SIRT1: variants seen among roughly 807,000 people sequenced by gnomAD.
SIRT1 encodes sirtuin 1.
In SIRT1, 24 loss-of-function variants were observed where a neutral mutation model predicts 67.9. That is an observed-to-expected ratio of 0.35 (90% CI 0.26 to 0.50). SIRT1 has a LOEUF of 0.50. SIRT1 is among the 20% of genes least tolerant of loss of function. SIRT1 has a pLI of 0.98. For missense variants in SIRT1, 873 were observed against 937.2 expected (o/e 0.93, Z 0.89); for synonymous variants, 378 against 350.7 (o/e 1.08, Z -0.87).
Position 67,916,573 on chromosome 10 carries a change from T to TA in SIRT1, c.2225dup (p.Tyr742Ter). ...SVKQEVTDMNYPSNKS is the reference protein window; with the variant it reads ...SVKQEVTDMN Reference sequence around the variant, plus strand: ...GAAACAGGAAGTAACAGACATGAACTATCCATCAAACAAATCATAGTGTAA... The same window carrying TA: ...GAAACAGGAAGTAACAGACATGAACTAATCCATCAAACAAATCATAGTGTAA... Residue 742 changes from tyrosine to a stop codon, truncating the protein, a stop_gained and frameshift_variant, in exon 9 of 9, where the codon TAT becomes TAAT. Coordinates refer to ENST00000212015, the MANE Select transcript of SIRT1 (RefSeq NM_012238.5). LOFTEE classifies it high-confidence loss of function. 1 of 1,610,264 alleles carries TA rather than the reference T, an allele frequency of 6.2e-7. No individual in the cohort carries two copies. The highest frequency in any genetic ancestry group is 1.7e-5 in the Admixed American group (1 of 59,844).
intron 4 of SIRT1, among the ~76,000 whole-genome samples, chr10:67,905,506 A>T (rs1006944383): frequency 1.3e-5 from 2 of 152,212 alleles, no homozygotes; most frequent in African/African-American, 4.8e-5. Flanking sequence ...TGTTAACGGA[A>T]TTCACTTAAG....
intron 1 of SIRT1, among the ~76,000 whole-genome samples, chr10:67,885,598 A>G (rs1842465407): frequency 2.2e-5 from 2 of 89,526 alleles, no homozygotes; most frequent in Admixed American, 1.0e-4. Context: ...GCTTTTTGCA[A>G]ACTTGACACC....
intron 4 of SIRT1, among the ~76,000 whole-genome samples, chr10:67,895,223 C>T (rs546466473): frequency 1.8e-3 from 271 of 152,164 alleles, no homozygotes; most frequent in South Asian, 5.8e-3. Flanking sequence ...AGTTCAAGAC[C>T]AGCCTGGCCA....
Position 67,913,002 on chromosome 10 carries a change from C to T in SIRT1, c.1886C>T (p.Ala629Val). 1 of 1,609,626 alleles carries T rather than the reference C, an allele frequency of 6.2e-7. No individual in the cohort carries two copies. Among genetic ancestry groups the T allele is most frequent in the South Asian group, 1.1e-5 (1 of 90,052 alleles). The stretch of plus-strand genomic sequence containing the variant: ...AGAAAATGCTGGCCTAATAGAGTGG[C>T]AAAGGAGCAGATTAGTAGGCGGCTT... ...TVRKCWPNRV[A>V]KEQISRRLDG... The change falls in exon 8 of 9, where the codon GCA becomes GTA. Residue 629 changes from alanine (A) to valine (V), a missense_variant. By Grantham distance (64) the Ala-to-Val change is moderately conservative. Transcript: ENST00000212015.
intron 5 of SIRT1, 53 bp from the exon 6 acceptor site, chr10:67,907,993 C>G: frequency 2.7e-6 from 4 of 1,462,674 alleles, no homozygotes; most frequent in Non-Finnish European, 3.8e-6. Flanking sequence ...GTGGTGTGTT[C>G]AAGAAACAGA....
intron 1 of SIRT1, chr10:67,885,487 T>C (rs1842463104): frequency 2.1e-6 from 2 of 959,796 alleles, no homozygotes; most frequent in African/African-American, 1.7e-5. Context: ...GCTTTTTTTT[T>C]CTTTTTCTTT....
chr10:67,916,750 T>G lies in SIRT1; in HGVS notation c.*157T>G, dbSNP rs182005192. 77 of 525,904 alleles carry G rather than the reference T, an allele frequency of 1.5e-4. No homozygotes were observed. Among genetic ancestry groups the G allele is most frequent in the African/African-American group, 1.4e-3 (75 of 52,830 alleles). 32.6% of individuals were successfully genotyped at this position (525,904 alleles called of 1,614,324 possible). A position where few individuals can be genotyped will look rare whatever the true frequency, so the allele number is the denominator to read the frequency against. ...TAGATTGTTTTTCATGGATAATTTT[T>G]AACTTCATTATTTCTGTACTTGTAC... On this transcript the variant is annotated 3_prime_UTR_variant, in exon 9 of 9. Transcript: ENST00000212015.
At chr10:67,887,322 T>A in intron 1 of SIRT1, 95 bp from the exon 2 acceptor site, 1 of 774,136 alleles carries the variant, frequency 1.3e-6, no homozygotes, top group Non-Finnish European at 2.3e-6. Flanking sequence ...AAATGTTAAA[T>A]GCTGTACTCG....
At chr10:67,912,039 C>T (rs929962417) in intron 7 of SIRT1, among the ~76,000 whole-genome samples, 8 of 152,174 alleles carry the variant, frequency 5.3e-5, no homozygotes, top group African/African-American at 1.7e-4. Context: ...GCTGGGATTA[C>T]AGGCGTGAGC....
chr10:67,906,834 C>G lies in SIRT1; in HGVS notation c.987C>G (p.Phe329Leu). The G allele has an allele frequency of 6.2e-7, 1 of 1,613,242 alleles. No homozygotes were observed. Among genetic ancestry groups the G allele is most frequent in the Non-Finnish European group, 8.5e-7 (1 of 1,179,732 alleles). The change falls in exon 5 of 9, where the codon TTC becomes TTG. Residue 329 changes from phenylalanine to leucine, a missense_variant. Phe to Leu is a conservative substitution (Grantham distance 22, BLOSUM62 0). This residue lies in a region of SIRT1 where 251 missense variants were observed against 358.8 expected (regional missense o/e 0.70). Coordinates refer to ENST00000212015, the MANE Select transcript of SIRT1 (RefSeq NM_012238.5). ...TCCAGCCATCTCTCTGTCACAAATT[C>G]ATAGCCTTGTCAGATAAGGAAGGAA... The part of the protein sequence containing the change: ...GQFQPSLCHK[F>L]IALSDKEGKL...
intron 4 of SIRT1, among the ~76,000 whole-genome samples, chr10:67,905,816 T>C (rs150379840): frequency 6.6e-6 from 1 of 152,216 alleles, no homozygotes; most frequent in Non-Finnish European, 1.5e-5. Context: ...TGAACCATTT[T>C]CCAGGGCAGT....
At chr10:67,915,514 TAC>T (rs750298057) in intron 8 of SIRT1, among the ~76,000 whole-genome samples, 3 of 152,190 alleles carry the variant, frequency 2.0e-5, no homozygotes, top group Non-Finnish European at 4.4e-5. Flanking sequence ...TATGTGTATA[TAC>T]ACACACATTC....
chr10:67,886,444 GC>G (rs1268189985), intron 1 of SIRT1, among the ~76,000 whole-genome samples: 1 of 151,480 alleles, frequency 6.6e-6, no homozygotes, highest in Non-Finnish European at 1.5e-5. Flanking sequence ...AGTAAAAAAA[GC>G]GGGACGTGGT....
rs199626380 is a variant in SIRT1 at position 67,916,256 on chromosome 10, G to A, written c.1916-9G>A. On this transcript the variant is annotated splice_polypyrimidine_tract_variant and intron_variant, in intron 8 of 8. Transcript: ENST00000212015. ...AACTGAAAGTAACATTTTTATTACT[G>A]TATTTCAGGTAATCAGTATCTGTTT... The A allele has an allele frequency of 2.5e-6, 4 of 1,590,640 alleles. No homozygotes were observed. The East Asian group carries it at 9.0e-5, about 36-fold the overall frequency.
rs765609303 is a variant in SIRT1 at position 67,916,412 on chromosome 10, C to A, written c.2063C>A (p.Pro688His). ...TGCCAGAGTCCAAGTTTAGAAGAAC[C>A]CATGGAGGATGAAAGTGAAATTGAA... ...GTCQSPSLEE[P>H]MEDESEIEEF... is the part of the protein sequence containing the mutation. Residue 688 changes from proline (P) to histidine (H), a missense_variant, in exon 9 of 9, where the codon CCC becomes CAC. Pro to His is a moderately conservative substitution (Grantham distance 77). Around this residue, in one of 3 missense-constraint regions of SIRT1, gnomAD observed 295 missense variants for 294.5 expected, o/e 1.00. Transcript: ENST00000212015. The A allele has an allele frequency of 1.9e-6, 3 of 1,613,982 alleles. No homozygotes were observed. In the Admixed American group the frequency reaches 5.0e-5, roughly 27 times the overall value.
intron 4 of SIRT1, among the ~76,000 whole-genome samples, chr10:67,893,282 T>G (rs1380947030): frequency 6.6e-6 from 1 of 152,202 alleles, no homozygotes; most frequent in Non-Finnish European, 1.5e-5. Context: ...TTTGTCCTAA[T>G]GCTTTTCCAC....
intron 8 of SIRT1, 39 bp downstream of exon 8, chr10:67,913,070 T>C: frequency 6.5e-7 from 1 of 1,545,682 alleles, no homozygotes; most frequent in Non-Finnish European, 8.7e-7. Flanking sequence ...AGTATAAATG[T>C]CATAACAGTA....
At chr10:67,907,414 G>A (rs990293000) in intron 5 of SIRT1, among the ~76,000 whole-genome samples, 27 of 147,726 alleles carry the variant, frequency 1.8e-4, no homozygotes, top group Middle Eastern at 7.1e-3. Context: ...AGAATCACTT[G>A]AACCTGGGAG....
chr10:67,888,169 T>C (rs1194919692), intron 2 of SIRT1, among the ~76,000 whole-genome samples: 2 of 152,200 alleles, frequency 1.3e-5, no homozygotes, highest in East Asian at 1.9e-4. Flanking sequence ...AGTATTTCGA[T>C]GTAGAAAGCA....
Sources: allele counts gnomAD v4.1 joint callset (sites outside exome capture counted in the v4.1 genomes callset), GRCh38; gene constraint gnomAD v4.1.1; regional missense constraint gnomAD v4.1.1; transcripts MANE v1.5; gene names NCBI Gene and HGNC (gene_info 2026-07-23, HGNC 2026-07-21).